ZNF653: variants seen among roughly 807,000 people sequenced by gnomAD.
ZNF653 encodes the protein zinc finger protein 653.
In ZNF653, 37 loss-of-function variants were observed where a neutral mutation model predicts 59.9. The observed-to-expected ratio is 0.62, with a 90% confidence interval of 0.48 to 0.81. ZNF653 has a LOEUF of 0.81. Ranked by LOEUF, ZNF653 falls within the 40% of genes least tolerant of loss-of-function variation. ZNF653 has a pLI of 0.00. For missense variants in ZNF653, 808 were observed against 881.1 expected, an observed-to-expected ratio of 0.92 and a Z score of 1.05; for synonymous variants, 435 against 371.8, an observed-to-expected ratio of 1.17 and a Z score of -1.96.
intron 1 of ZNF653, chr19:11,505,196 G>A: frequency 2.7e-6 from 1 of 367,998 alleles, no homozygotes; most frequent in Non-Finnish European, 4.9e-6. Flanking sequence ...CCTGGAGGTG[G>A]GGCCAGTCCC....
chr19:11,483,549 G>T lies in ZNF653; in HGVS notation c.*133C>A. 1 of 1,425,434 alleles carries T rather than the reference G, an allele frequency of 7.0e-7. No individual in the cohort carries two copies. Among genetic ancestry groups the T allele is most frequent in the Non-Finnish European group, 9.2e-7 (1 of 1,088,100 alleles). 88.3% of individuals were successfully genotyped at this position (1,425,434 alleles called of 1,614,324 possible). A position where few individuals can be genotyped will look rare whatever the true frequency, so the allele number is the denominator to read the frequency against. ...GTGGGGAACCTGCCCAGGGGGCCCAGCTCTGGGGCGGGGCGGGGGCGCCTC... is the reference window on the plus strand; with the variant it reads ...GTGGGGAACCTGCCCAGGGGGCCCATCTCTGGGGCGGGGCGGGGGCGCCTC... On this transcript the variant is annotated 3_prime_UTR_variant, in exon 9 of 9. Coordinates refer to ENST00000293771, the MANE Select transcript of ZNF653 (RefSeq NM_138783.4).
At position 11,505,831 on chromosome 19, in the gene ZNF653, A is replaced by C; in HGVS notation, c.-45T>G. ...AGCCTCCCCCGTTGTTAGGAGCCAG[A>C]CCGGAAGTGGCGCGCATCTTCGGCG... is the stretch of plus-strand genomic sequence containing the variant. On this transcript the variant is annotated 5_prime_UTR_variant, in exon 1 of 9. Transcript: ENST00000293771. 7.8e-7 allele frequency: 1 copy of C among 1,281,622 alleles called. No individual in the cohort carries two copies. Among genetic ancestry groups the C allele is most frequent in the Non-Finnish European group, 1.0e-6 (1 of 993,346 alleles). The allele number at this position is 1,281,622 out of a possible 1,614,324, so 79.4% of individuals were successfully genotyped here. A position where few individuals can be genotyped will look rare whatever the true frequency, so the allele number is the denominator to read the frequency against.
At chr19:11,496,220 A>T in intron 2 of ZNF653, 55 bp from the exon 3 acceptor site, 1 of 1,559,804 alleles carries the variant, frequency 6.4e-7, no homozygotes, top group South Asian at 1.1e-5. Flanking sequence ...GCCCATGGTG[A>T]CATGGCTGCC....
At chr19:11,489,993 G>C (rs146957818) in intron 3 of ZNF653, among the ~76,000 whole-genome samples, 34 of 152,272 alleles carry the variant, frequency 2.2e-4, no homozygotes, top group Middle Eastern at 3.4e-3. Flanking sequence ...AATCCAATCT[G>C]ACATTATCTT....
intron 2 of ZNF653, among the ~76,000 whole-genome samples, chr19:11,496,950 T>C (rs1307924069): frequency 1.3e-5 from 2 of 152,178 alleles, no homozygotes; most frequent in Non-Finnish European, 2.9e-5. Context: ...ACTTGGTGAC[T>C]GCACTCCACT....
At chr19:11,501,213 G>A (rs1260532660) in intron 1 of ZNF653, among the ~76,000 whole-genome samples, 3 of 149,568 alleles carry the variant, frequency 2.0e-5, no homozygotes, top group Non-Finnish European at 3.0e-5. Context: ...GGCTCTCGTG[G>A]TGTTGCCCCA....
Position 11,484,211 on chromosome 19 carries a change from A to T in ZNF653, c.1571-70T>A, listed in dbSNP as rs554848584. The T allele has an allele frequency of 6.9e-4, 848 of 1,226,966 alleles. 3 individuals carry two copies. Among genetic ancestry groups the T allele is most frequent in the Non-Finnish European group, 9.4e-4 (808 of 856,212 alleles). The allele number at this position is 1,226,966 out of a possible 1,614,324, so 76.0% of individuals were successfully genotyped here. A position where few individuals can be genotyped will look rare whatever the true frequency, so the allele number is the denominator to read the frequency against. ...TGTCTCTGATGTGCTGCAGACTCTG[A>T]TGCTAGAAGGAGCATCAGGCTGTCT... On this transcript the variant is annotated intron_variant, in intron 7 of 8. Transcript: ENST00000293771.
intron 1 of ZNF653, 27 bp downstream of exon 1, chr19:11,505,461 C>G (rs986327817): frequency 2.1e-6 from 3 of 1,430,594 alleles, no homozygotes; most frequent in Non-Finnish European, 1.8e-6. Flanking sequence ...TCTCCTCCCT[C>G]CCTCCCTCGG....
rs1027291563 is a variant in ZNF653, at chr19:11,483,878, G to A, written c.1671-19C>T. The A allele has an allele frequency of 1.3e-6, 2 of 1,552,474 alleles. No individual in the cohort carries two copies. The highest frequency in any genetic ancestry group is 2.4e-5 in the East Asian group (1 of 42,518). On this transcript the variant is annotated intron_variant, in intron 8 of 8. Transcript: ENST00000293771. Reference sequence around the variant, plus strand: ...CTCGCACCTGCCGGGAGCCCGTGGCGGGACGGGGCGGGGTCAGAGTGGGCG... The same window carrying A: ...CTCGCACCTGCCGGGAGCCCGTGGCAGGACGGGGCGGGGTCAGAGTGGGCG...
chr19:11,505,287 G>T (rs970086784), intron 1 of ZNF653: 12 of 532,602 alleles, frequency 2.3e-5, no homozygotes, highest in Non-Finnish European at 3.1e-5. Context: ...CCCTAGGATT[G>T]GGCAGTCGGA....
In ZNF653 at chr19:11,483,696, G is replaced by A. The variant is rs768328067; in HGVS notation, c.1834C>T (p.His612Tyr). 6.2e-7 allele frequency: 1 copy of A among 1,613,028 alleles called. No homozygotes were observed. The highest frequency in any genetic ancestry group is 8.5e-7 in the Non-Finnish European group (1 of 1,179,098). Residue 612 changes from histidine to tyrosine, a missense_variant, in exon 9 of 9, where the codon CAC becomes TAC. By Grantham distance (83) the His-to-Tyr change is moderately conservative. Transcript: ENST00000293771. Reference protein sequence around the residue: ...KFHTLKSHPDHKPT With the variant: ...KFHTLKSHPDYKPT ...GGTCAGGTGGGTCAGGTGGGCTTGT[G>A]ATCCGGGTGGCTTTTGAGCGTGTGG...
At chr19:11,486,036 AC>A (rs965295441) in intron 6 of ZNF653, among the ~76,000 whole-genome samples, 57 of 150,514 alleles carry the variant, frequency 3.8e-4, no homozygotes, top group Non-Finnish European at 8.1e-4. Flanking sequence ...TGCAAGCTCC[AC>A]CCCCCCGGGT....
chr19:11,505,071 A>T (rs374806506), intron 1 of ZNF653: 82 of 173,784 alleles, frequency 4.7e-4, no homozygotes, highest in Middle Eastern at 2.7e-3. Context: ...CAAGAAGGGC[A>T]GGGCTGAGTG....
At chr19:11,497,193 GC>G (rs1331870879) in intron 2 of ZNF653, among the ~76,000 whole-genome samples, 3 of 152,190 alleles carry the variant, frequency 2.0e-5, no homozygotes, top group Non-Finnish European at 4.4e-5. Context: ...GCCATCTGTG[GC>G]CATTTGTTTA....
At chr19:11,505,244 G>C in intron 1 of ZNF653, 2 of 440,764 alleles carry the variant, frequency 4.5e-6, no homozygotes, top group Non-Finnish European at 8.0e-6. Flanking sequence ...GCGGGGCCAA[G>C]CGCTCAGAAG....
At chr19:11,497,994 A>G (rs1599567100) in intron 2 of ZNF653, among the ~76,000 whole-genome samples, 1 of 152,160 alleles carries the variant, frequency 6.6e-6, no homozygotes, top group African/African-American at 2.4e-5. Flanking sequence ...GGACAGGAGG[A>G]GCAAGCTCCA....
At position 11,486,785 on chromosome 19, in the gene ZNF653, G is replaced by A; in HGVS notation, c.1439C>T (p.Ala480Val). 6.2e-7 allele frequency: 1 copy of A among 1,608,356 alleles called. No individual in the cohort carries two copies. The highest frequency in any genetic ancestry group is 8.5e-7 in the Non-Finnish European group (1 of 1,177,646). The change falls in exon 6 of 9, where the codon GCC (alanine) becomes GTC (valine). Residue 480 changes from alanine (A) to valine (V), a missense_variant. Transcript: ENST00000293771. The part of the protein sequence containing the change: ...PYEGCSQVYV[A>V]LSSFQNHVNL... ...CGGCCTCACCTGGAAGCTGCTGAGG[G>A]CCACGTAGACTTGGCTGCAGCCCTC... is the stretch of plus-strand genomic sequence containing the variant.
chr19:11,485,285 G>A (rs901362471), intron 7 of ZNF653, among the ~76,000 whole-genome samples: 1 of 151,894 alleles, frequency 6.6e-6, no homozygotes, highest in Non-Finnish European at 1.5e-5. Context: ...TCCTGCTGCT[G>A]CTTGGGTGGG....
chr19:11,493,962 T>C (rs1247672525), intron 3 of ZNF653, among the ~76,000 whole-genome samples: 2 of 151,756 alleles, frequency 1.3e-5, no homozygotes, highest in East Asian at 3.9e-4. Flanking sequence ...GAGGCTGAAG[T>C]GAGCTATGAT....
Sources: allele counts gnomAD v4.1 joint callset (sites outside exome capture counted in the v4.1 genomes callset), GRCh38; gene constraint gnomAD v4.1.1; transcripts MANE v1.5; gene names NCBI Gene and HGNC (gene_info 2026-07-23, HGNC 2026-07-21).